The following ATF7 variants were observed in gnomAD, a reference collection of about 807,000 sequenced individuals.
ATF7 encodes the protein cyclic AMP-dependent transcription factor ATF-7.
In ATF7, 10 loss-of-function variants were observed where a neutral mutation model predicts 50.4. That is an observed-to-expected ratio of 0.20 (90% CI 0.12 to 0.34). The LOEUF is 0.34. Ranked by LOEUF, ATF7 falls within the 10% of genes least tolerant of loss-of-function variation. The probability of loss-of-function intolerance (pLI) is 1.00; values close to 1 mark genes in which losing one functional copy is unlikely to be tolerated. For missense variants in ATF7, 465 were observed against 613.9 expected (o/e 0.76, Z 2.56); for synonymous variants, 201 against 226.4 (o/e 0.89, Z 1.01).
chr12:53,601,667 C>G (rs891100479), intron 1 of ATF7, among the ~76,000 whole-genome samples: 1 of 152,188 alleles, frequency 6.6e-6, no homozygotes, highest in African/African-American at 2.4e-5. Context: ...TGCCCTTCCC[C>G]CTTCTGATTC....
At position 53,546,929 on chromosome 12, in the gene ATF7, T is replaced by G. The variant is rs1939962070; in HGVS notation, c.146-3481A>C. Among the ~76,000 whole-genome samples, 2 of 151,304 alleles carry G rather than the reference T, an allele frequency of 1.3e-5. 1 individual carries two copies. The highest frequency in any genetic ancestry group is 4.2e-4 in the South Asian group (2 of 4,786). On this transcript the variant is annotated intron_variant, in intron 3 of 11. Transcript: ENST00000420353. The stretch of plus-strand genomic sequence containing the variant: ...TGCGCCATCATGCCTAACTAATTTT[T>G]GTATTTTTTTGTAGAGATGGGGTTT...
chr12:53,600,547 G>T (rs527291282), intron 2 of ATF7, among the ~76,000 whole-genome samples: 3 of 152,218 alleles, frequency 2.0e-5, no homozygotes, highest in South Asian at 4.1e-4. Flanking sequence ...GGCCAGGCTG[G>T]TCTCCAACTC....
chr12:53,567,892 T>C (rs904998332), intron 2 of ATF7, among the ~76,000 whole-genome samples: 8 of 152,234 alleles, frequency 5.3e-5, no homozygotes, highest in Admixed American at 2.6e-4. Context: ...ACATTTCTAT[T>C]TTTCAATCTC....
intron 1 of ATF7, among the ~76,000 whole-genome samples, chr12:53,615,079 C>T (rs749160935): frequency 5.0e-4 from 74 of 148,428 alleles, no homozygotes; most frequent in Non-Finnish European, 8.0e-4. Flanking sequence ...GACGCCATCT[C>T]AAAAGAAAAG....
At chr12:53,508,922 A>G (rs1944075843), downstream of ATF7, among the ~76,000 whole-genome samples, 1 of 152,208 alleles carries the variant, frequency 6.6e-6, no homozygotes, top group East Asian at 1.9e-4. Flanking sequence ...TGGTCTCCAC[A>G]GCCTCTGCCT....
At chr12:53,546,757 C>CT (rs979025251) in intron 3 of ATF7, among the ~76,000 whole-genome samples, 25 of 144,296 alleles carry the variant, frequency 1.7e-4, no homozygotes, top group African/African-American at 3.8e-4. Flanking sequence ...GCCTCTTTTT[C>CT]TTTTTTTTTT....
intron 1 of ATF7, among the ~76,000 whole-genome samples, chr12:53,608,963 G>C (rs549994315): frequency 6.6e-6 from 1 of 152,194 alleles, no homozygotes; most frequent in African/African-American, 2.4e-5. Context: ...AGAAAACAAA[G>C]TAGACTACTC....
At chr12:53,602,396 AG>A (rs1391453672) in intron 1 of ATF7, among the ~76,000 whole-genome samples, 1 of 152,222 alleles carries the variant, frequency 6.6e-6, no homozygotes, top group Non-Finnish European at 1.5e-5. Context: ...CTTAAAACTC[AG>A]AGGGTAGCTA....
intron 11 of ATF7, among the ~76,000 whole-genome samples, chr12:53,519,267 G>A (rs1937941419): frequency 6.6e-6 from 1 of 152,112 alleles, no homozygotes; most frequent in Admixed American, 6.6e-5. Flanking sequence ...TTTTAACTGG[G>A]ATATCTATCC....
chr12:53,613,328 A>G (rs1317132189), intron 1 of ATF7, among the ~76,000 whole-genome samples: 1 of 152,258 alleles, frequency 6.6e-6, no homozygotes, highest in Non-Finnish European at 1.5e-5. Flanking sequence ...TTAGCCAGAC[A>G]TTAAAGAGAT....
chr12:53,552,107 C>A (rs543073956), intron 3 of ATF7, among the ~76,000 whole-genome samples: 8 of 152,178 alleles, frequency 5.3e-5, no homozygotes, highest in Admixed American at 4.6e-4. Flanking sequence ...TATGAACTGA[C>A]AATCTGCCTG....
chr12:53,617,873 C>G (rs1351981179), intron 1 of ATF7, among the ~76,000 whole-genome samples: 1 of 148,464 alleles, frequency 6.7e-6, no homozygotes, highest in Non-Finnish European at 1.5e-5. Flanking sequence ...GGCAGTCAGT[C>G]CATTATACAG....
At chr12:53,624,897 C>A (rs550230668) in intron 1 of ATF7, among the ~76,000 whole-genome samples, 22 of 152,328 alleles carry the variant, frequency 1.4e-4, no homozygotes, top group Admixed American at 1.1e-3. Context: ...TTTAACAAAA[C>A]AAACTTCATT....
At chr12:53,562,085 G>A (rs902909912) in intron 2 of ATF7, among the ~76,000 whole-genome samples, 10 of 152,142 alleles carry the variant, frequency 6.6e-5, no homozygotes, top group African/African-American at 2.4e-4. Context: ...TAAAGATTCT[G>A]GCAGCTTAAC....
intron 2 of ATF7, among the ~76,000 whole-genome samples, chr12:53,573,458 T>C (rs1260438363): frequency 6.6e-6 from 1 of 152,200 alleles, no homozygotes; most frequent in African/African-American, 2.4e-5. Flanking sequence ...TATCACTTCA[T>C]TCGTGTGGAT....
rs1298256747 is a variant in ATF7, at chr12:53,600,143, G to A, written c.48+810C>T. ...TTCTCTATTGGATTCGTCTTTCCTA[G>A]ATAGGTATCTGCTGTAGCTGCTAAC... On this transcript the variant is annotated intron_variant, in intron 2 of 11. Coordinates refer to ENST00000420353, the MANE Select transcript of ATF7 (RefSeq NM_006856.3). Among the ~76,000 whole-genome samples the A allele has an allele frequency of 2.6e-5, 4 of 152,070 alleles. No individual in the cohort carries two copies. In the East Asian group the frequency reaches 7.7e-4, roughly 29 times the overall value.
At chr12:53,588,075 C>T (rs992320467) in intron 2 of ATF7, among the ~76,000 whole-genome samples, 3 of 152,090 alleles carry the variant, frequency 2.0e-5, no homozygotes, top group Admixed American at 6.6e-5. Flanking sequence ...GTCTCGAACT[C>T]CTGACCTCAG....
At chr12:53,581,925 C>G (rs1942442503) in intron 2 of ATF7, among the ~76,000 whole-genome samples, 1 of 151,690 alleles carries the variant, frequency 6.6e-6, no homozygotes, top group African/African-American at 2.4e-5. Flanking sequence ...GAGTTTGAGA[C>G]CAGCCTGGTC....
chr12:53,537,593 TC>T, intron 4 of ATF7, 41 bp from the exon 5 acceptor site: 1 of 1,601,868 alleles, frequency 6.2e-7, no homozygotes, highest in Middle Eastern at 2.0e-4. Context: ...ACCCTATGAT[TC>T]CTTTCAGGTT....
Sources: allele counts gnomAD v4.1 joint callset (sites outside exome capture counted in the v4.1 genomes callset), GRCh38; gene constraint gnomAD v4.1.1; transcripts MANE v1.5; gene names NCBI Gene and HGNC (gene_info 2026-07-23, HGNC 2026-07-21).